Variants in EPB41 observed in about 807,000 individuals in gnomAD.
The protein encoded by EPB41 is erythrocyte membrane protein band 4.1, also known as protein 4.1.
Under a neutral mutation model 108.0 loss-of-function variants are expected in EPB41, and 65 were observed. That is an observed-to-expected ratio of 0.60 (90% CI 0.49 to 0.74). The LOEUF (loss-of-function observed/expected upper bound fraction) is 0.74. Among genes scored for constraint, EPB41 ranks in the 30% least tolerant of loss-of-function variants. EPB41 has a pLI of 0.00. For synonymous variants in EPB41, 336 were observed against 358.9 expected (o/e 0.94, Z 0.72); for missense variants, 875 against 1,037.0 (o/e 0.84, Z 2.15).
intron 7 of EPB41, among the ~76,000 whole-genome samples, chr1:29,025,145 A>G (rs994844337): frequency 2.6e-5 from 4 of 152,050 alleles, no homozygotes; most frequent in Non-Finnish European, 5.9e-5. Context: ...TACACTAGCA[A>G]ATCAAGCTTT....
chr1:29,028,548 G>A (rs1181186785), intron 7 of EPB41, among the ~76,000 whole-genome samples: 1 of 152,138 alleles, frequency 6.6e-6, no homozygotes. Context: ...GGAGATGGAG[G>A]GAGACACTGG....
intron 1 of EPB41, among the ~76,000 whole-genome samples, chr1:28,955,991 C>T (rs1459706479): frequency 2.6e-5 from 4 of 152,152 alleles, no homozygotes; most frequent in Admixed American, 2.0e-4. Flanking sequence ...CAAAGGTTTG[C>T]TTTAGGACCA....
At chr1:28,994,633 T>TTTTATTTATTTA (rs71586878) in intron 3 of EPB41, among the ~76,000 whole-genome samples, 5,893 of 139,818 alleles carry the variant, frequency 0.042, 170 homozygotes, top group South Asian at 0.066. Flanking sequence ...GAACAAACTA[T>TTTTATTTATTTA]TTTATTTATT....
chr1:28,908,733 G>A (rs2092032059), intron 1 of EPB41, among the ~76,000 whole-genome samples: 1 of 151,476 alleles, frequency 6.6e-6, no homozygotes, highest in South Asian at 2.1e-4. Flanking sequence ...CCCGGCCCAA[G>A]TATCATTTTT....
At chr1:29,019,230 AC>A (rs1162687212) in intron 7 of EPB41, among the ~76,000 whole-genome samples, 1 of 152,164 alleles carries the variant, frequency 6.6e-6, no homozygotes, top group African/African-American at 2.4e-5. Context: ...AGCCTGGGCA[AC>A]ATAGCAAGAC....
chr1:28,967,968 C>A (rs922339178), intron 1 of EPB41, among the ~76,000 whole-genome samples: 8 of 152,078 alleles, frequency 5.3e-5, no homozygotes, highest in African/African-American at 1.7e-4. Flanking sequence ...CCACGCCTGG[C>A]AAATTTTTGT....
intron 1 of EPB41, among the ~76,000 whole-genome samples, chr1:28,929,413 G>T (rs868387326): frequency 3.1e-4 from 47 of 151,152 alleles, no homozygotes; most frequent in Middle Eastern, 6.8e-3. Context: ...TTTTTTTTTA[G>T]TAGAGACGGG....
chr1:29,070,536 T>G (rs1387085577), intron 16 of EPB41: 1 of 1,232,038 alleles, frequency 8.1e-7, no homozygotes, highest in Admixed American at 4.2e-5. Flanking sequence ...TTTAGTACTT[T>G]TCCATCTCCT....
chr1:28,988,119 C>G (rs1014212627), intron 2 of EPB41, among the ~76,000 whole-genome samples: 2 of 152,100 alleles, frequency 1.3e-5, no homozygotes, highest in African/African-American at 4.8e-5. Context: ...AAAAATTAGC[C>G]GGGCCTGATG....
At chr1:28,988,523 C>CCCAAA (rs1356434393) in intron 2 of EPB41, among the ~76,000 whole-genome samples, 1 of 152,042 alleles carries the variant, frequency 6.6e-6, no homozygotes, top group Non-Finnish European at 1.5e-5. Flanking sequence ...CCATGCCCAG[C>CCCAAA]TAATTTTTGT....
At chr1:29,062,008 A>G (rs1646652288) in intron 15 of EPB41, among the ~76,000 whole-genome samples, 1 of 152,212 alleles carries the variant, frequency 6.6e-6, no homozygotes, top group African/African-American at 2.4e-5. Context: ...TGAGAAAAAA[A>G]TATGCCCAGC....
chr1:29,060,863 T>A (rs1646397025), intron 15 of EPB41, among the ~76,000 whole-genome samples: 1 of 152,094 alleles, frequency 6.6e-6, no homozygotes, highest in Non-Finnish European at 1.5e-5. Flanking sequence ...ATTTTCTGAA[T>A]TAAGAGAGTG....
intron 16 of EPB41, among the ~76,000 whole-genome samples, chr1:29,081,055 CTT>C (rs917147021): frequency 2.6e-5 from 4 of 152,272 alleles, no homozygotes; most frequent in Non-Finnish European, 4.4e-5. Flanking sequence ...TAGTCTTTCT[CTT>C]GTTTTTCCTT....
intron 16 of EPB41, among the ~76,000 whole-genome samples, chr1:29,079,292 C>G (rs1418252549): frequency 6.6e-6 from 1 of 152,024 alleles, no homozygotes. Flanking sequence ...CCCCCTCGCC[C>G]CGCCAGAAAA....
At chr1:28,920,289 T>C (rs1311549545) in intron 1 of EPB41, among the ~76,000 whole-genome samples, 1 of 152,206 alleles carries the variant, frequency 6.6e-6, no homozygotes, top group African/African-American at 2.4e-5. Flanking sequence ...AACACCTCCA[T>C]CTTTTTTTGG....
At chr1:28,997,541 T>C (rs1359500494) in intron 4 of EPB41, among the ~76,000 whole-genome samples, 2 of 152,128 alleles carry the variant, frequency 1.3e-5, no homozygotes, top group Admixed American at 1.3e-4. Context: ...AAAGTATATA[T>C]TGTATGTTTT....
At position 28,987,461 on chromosome 1, in the gene EPB41, G is replaced by A. The variant is rs75060926; in HGVS notation, c.24G>A (p.Val8=). The A allele has an allele frequency of 4.5e-3, 7,337 of 1,614,098 alleles. 279 individuals are homozygous for A. The Admixed American group carries it at 0.066, about 15-fold the overall frequency. Residue 8 remains valine (V), a synonymous_variant, in exon 2 of 21, where the codon GTG becomes GTA. Coordinates refer to ENST00000343067, the MANE Select transcript of EPB41 (RefSeq NM_001376013.1). The stretch of plus-strand genomic sequence containing the variant: ...TCATGACAACAGAGAAGAGTTTAGT[G>A]ACTGAGGCCGAAAATTCACAGCACC... MTTEKSL[V]TEAENSQHQQ...
chr1:28,975,750 C>T (rs967969891), intron 1 of EPB41, among the ~76,000 whole-genome samples: 3 of 151,814 alleles, frequency 2.0e-5, no homozygotes, highest in East Asian at 1.9e-4. Context: ...GGGTGGATCA[C>T]GAGGTCAGGA....
At chr1:28,942,764 A>G (rs746855545) in intron 1 of EPB41, among the ~76,000 whole-genome samples, 1 of 152,096 alleles carries the variant, frequency 6.6e-6, no homozygotes, top group East Asian at 1.9e-4. Context: ...GAAAGTTCTA[A>G]CCCTCTAATC....
Sources: allele counts gnomAD v4.1 joint callset (sites outside exome capture counted in the v4.1 genomes callset), GRCh38; gene constraint gnomAD v4.1.1; transcripts MANE v1.5; gene names NCBI Gene and HGNC (gene_info 2026-07-23, HGNC 2026-07-21).